Variants in XIRP2 observed in about 807,000 individuals in gnomAD.
XIRP2 encodes xin actin binding repeat containing 2.
XIRP2 carries 236 observed loss-of-function variants against 277.0 expected under a neutral mutation model. The ratio of observed to expected loss-of-function variants is 0.85; its 90% CI spans 0.77 to 0.95. XIRP2 has a LOEUF of 0.95. XIRP2 is among the 40% of genes least tolerant of loss of function. The pLI, the probability that XIRP2 is intolerant of heterozygous loss-of-function variation, is 0.00. For synonymous variants in XIRP2, 1,490 were observed against 1,416.5 expected (o/e 1.05, Z -1.17); for missense variants, 4,640 against 4,157.5 (o/e 1.12, Z -3.19).
At chr2:166,914,927 T>G (rs1684820785) in intron 2 of XIRP2, among the ~76,000 whole-genome samples, 1 of 152,186 alleles carries the variant, frequency 6.6e-6, no homozygotes, top group East Asian at 1.9e-4. Context: ...TCATCTGTCT[T>G]GATCTTCAGC....
intron 2 of XIRP2, among the ~76,000 whole-genome samples, chr2:167,117,301 C>A (rs760610337): frequency 9.2e-5 from 14 of 152,104 alleles, no homozygotes; most frequent in Non-Finnish European, 1.9e-4. Context: ...GCTCCACCTC[C>A]CCACTCCCCG....
At chr2:167,006,890 A>G (rs1687517358) in intron 2 of XIRP2, among the ~76,000 whole-genome samples, 1 of 151,698 alleles carries the variant, frequency 6.6e-6, no homozygotes, top group Non-Finnish European at 1.5e-5. Context: ...ATTCTTTAAT[A>G]TTAACTTTAA....
rs752181359 is a variant in XIRP2, at chr2:167,240,736, G to A, written c.1042G>A (p.Val348Ile). The A allele has an allele frequency of 6.2e-7, 1 of 1,612,812 alleles. No individual in the cohort carries two copies. The highest frequency in any genetic ancestry group is 1.1e-5 in the South Asian group (1 of 91,070). ...GTTTCATCAATATGTTCAAGAAACT[G>A]GTAAGAGTCTGGTATTATTGGTTCC... is the stretch of plus-strand genomic sequence containing the variant. ...SQFHQYVQETVIDTPEDEEIP... is the reference protein window; with the variant it reads ...SQFHQYVQETIIDTPEDEEIP... Residue 348 changes from valine (V) to isoleucine (I), a missense_variant and splice_region_variant, in exon 7 of 11, where the codon GTC becomes ATC. Val to Ile is a conservative substitution (Grantham distance 29). Coordinates refer to ENST00000409195, the MANE Select transcript of XIRP2 (RefSeq NM_152381.6).
intron 2 of XIRP2, among the ~76,000 whole-genome samples, chr2:167,031,859 G>A (rs746775569): frequency 1.3e-4 from 20 of 152,128 alleles, no homozygotes; most frequent in East Asian, 7.7e-4. Flanking sequence ...AATCAATATC[G>A]TGAAAATGGC....
intron 2 of XIRP2, among the ~76,000 whole-genome samples, chr2:167,029,918 C>T (rs1277018550): frequency 6.6e-6 from 1 of 151,988 alleles, no homozygotes; most frequent in East Asian, 1.9e-4. Flanking sequence ...TGGACTTCTT[C>T]CTGGTTTTCT....
rs149398171 is a variant in XIRP2, at chr2:167,015,016, A to T, written c.408+111126A>T. 8.0e-3 allele frequency among the ~76,000 whole-genome samples: 1,215 copies of T among 151,872 alleles called. 9 individuals carry two copies. Among genetic ancestry groups the T allele is most frequent in the Admixed American group, 0.012 (182 of 15,182 alleles). ...ACACATCCACGAGTCTCCTTTGCAA[A>T]CTAAAACATTTGTAGTGGTTCAAGA... On this transcript the variant is annotated intron_variant, in intron 2 of 10. Transcript: ENST00000409195.
intron 2 of XIRP2, among the ~76,000 whole-genome samples, chr2:166,907,541 A>T (rs1272039398): frequency 1.3e-5 from 2 of 151,822 alleles, no homozygotes; most frequent in Admixed American, 6.6e-5. Flanking sequence ...ATGACAACAG[A>T]GCTGGGACAA....
chr2:167,203,071 T>C (rs1693766554), intron 3 of XIRP2, among the ~76,000 whole-genome samples: 1 of 152,226 alleles, frequency 6.6e-6, no homozygotes, highest in Non-Finnish European at 1.5e-5. Context: ...TGTGATTACA[T>C]TGAACCCACT....
At position 167,251,829 on chromosome 2, in the gene XIRP2, T is replaced by A. The variant is rs1478158538; in HGVS notation, c.10437T>A (p.Asn3479Lys). ...ATTCACCTAAAGAAGTAAGAAAAAA[T>A]TTTCAAAAGACGTGGCAAGAGAGTG... is the stretch of plus-strand genomic sequence containing the variant. ...ISDSPKEVRK[N>K]FQKTWQESGR... Residue 3479 changes from asparagine (N) to lysine (K), a missense_variant, in exon 9 of 11, where the codon AAT becomes AAA. Transcript: ENST00000409195. The A allele has an allele frequency of 1.5e-5, 25 of 1,612,976 alleles. No individual in the cohort carries two copies. Among genetic ancestry groups the A allele is most frequent in the Non-Finnish European group, 2.0e-5 (24 of 1,179,534 alleles).
chr2:166,939,694 A>G (rs563734882), intron 2 of XIRP2, among the ~76,000 whole-genome samples: 1 of 134,582 alleles, frequency 7.4e-6, no homozygotes, highest in Non-Finnish European at 1.6e-5. Context: ...AAAAAAAAAA[A>G]AAAACAAAAA....
rs753159132 is a variant in XIRP2, at chr2:167,242,895, A to G, written c.1503A>G (p.Leu501=). The G allele has an allele frequency of 1.2e-6, 2 of 1,613,992 alleles. No individual in the cohort carries two copies. The highest frequency in any genetic ancestry group is 2.2e-5 in the East Asian group (1 of 44,880). Residue 501 remains leucine (L), a synonymous_variant, in exon 9 of 11, where the codon TTA becomes TTG. Transcript: ENST00000409195. ...GAAATTTGTATGAATTAAACCGTTT[A>G]TATAAACACATCCATCCTGAGTTAA... is the stretch of plus-strand genomic sequence containing the variant. ...KQRNLYELNR[L]YKHIHPELRK...
intron 2 of XIRP2, among the ~76,000 whole-genome samples, chr2:167,011,350 T>C (rs1296370332): frequency 6.6e-6 from 1 of 151,618 alleles, no homozygotes; most frequent in African/African-American, 2.4e-5. Context: ...TTGTCTTTGG[T>C]TCTGTTTATA....
At chr2:167,221,460 CAAAA>C (rs57006710) in intron 5 of XIRP2, among the ~76,000 whole-genome samples, 2 of 63,456 alleles carry the variant, frequency 3.2e-5, no homozygotes, top group Non-Finnish European at 7.1e-5. Flanking sequence ...AACTCCATCT[CAAAA>C]AAAAAAAAAA....
chr2:167,218,237 A>T lies in XIRP2; in HGVS notation c.795A>T (p.Glu265Asp). 2 of 1,608,848 alleles carry T rather than the reference A, an allele frequency of 1.2e-6. No homozygotes were observed. Among genetic ancestry groups the T allele is most frequent in the Non-Finnish European group, 1.7e-6 (2 of 1,177,646 alleles). The stretch of plus-strand genomic sequence containing the variant: ...AGGTGAAGAAACAATTTGAGGACGA[A>T]ATTACTTCTTCCCGTAATACCTTTG... Reference protein sequence around the residue: ...LAKVKKQFEDEITSSRNTFAQ... With the variant: ...LAKVKKQFEDDITSSRNTFAQ... Residue 265 changes from glutamate to aspartate, a missense_variant, in exon 5 of 11, where the codon GAA becomes GAT. By Grantham distance (45) the Glu-to-Asp change is conservative (BLOSUM62 2). Transcript: ENST00000409195.
chr2:167,025,818 G>C (rs1321478062), intron 2 of XIRP2, among the ~76,000 whole-genome samples: 1 of 152,088 alleles, frequency 6.6e-6, no homozygotes, highest in Non-Finnish European at 1.5e-5. Context: ...TGGTCTGAGA[G>C]ACAGTTTGTT....
At chr2:166,972,083 C>T (rs1574126289) in intron 2 of XIRP2, among the ~76,000 whole-genome samples, 1 of 151,982 alleles carries the variant, frequency 6.6e-6, no homozygotes, top group East Asian at 1.9e-4. Flanking sequence ...GAGCCCCCAC[C>T]TCCCGCCCCA....
At chr2:167,104,104 A>G (rs181440203) in intron 2 of XIRP2, among the ~76,000 whole-genome samples, 1 of 152,252 alleles carries the variant, frequency 6.6e-6, no homozygotes, top group Admixed American at 6.5e-5. Flanking sequence ...ATATGAGGTA[A>G]TGTTCTTCTA....
chr2:166,977,646 A>G lies in XIRP2; in HGVS notation c.408+73756A>G, dbSNP rs542044128. The stretch of plus-strand genomic sequence containing the variant: ...TAAACTTCTACTGCAAACAACAAAA[A>G]CTGGGAAAAGGTATAAAAAAATGAT... On this transcript the variant is annotated intron_variant, in intron 2 of 10. Transcript: ENST00000409195. Among the ~76,000 whole-genome samples the G allele has an allele frequency of 6.6e-4, 101 of 152,310 alleles. 1 individual carries two copies. In the Middle Eastern group the frequency reaches 0.014, roughly 21 times the overall value.
chr2:166,961,336 T>C (rs1046019401), intron 2 of XIRP2, among the ~76,000 whole-genome samples: 1 of 151,704 alleles, frequency 6.6e-6, no homozygotes, highest in Non-Finnish European at 1.5e-5. Context: ...CCTCAGAACA[T>C]TTCTTGGAGA....
Sources: gnomAD v4.1 joint callset for allele counts (sites outside exome capture counted in the v4.1 genomes callset) on GRCh38, gnomAD v4.1.1 for gene constraint, MANE v1.5 for transcripts, NCBI Gene and HGNC (gene_info 2026-07-23, HGNC 2026-07-21) for gene names.